The following RABGEF1 variants were observed in gnomAD, a reference collection of about 807,000 sequenced individuals.
RABGEF1 encodes rab5 GDP/GTP exchange factor.
In RABGEF1, 26 loss-of-function variants were observed where a neutral mutation model predicts 57.3. That is an observed-to-expected ratio of 0.45 (90% CI 0.33 to 0.63). The LOEUF (loss-of-function observed/expected upper bound fraction) is 0.63, where lower values mean the gene tolerates loss of function less well. RABGEF1 is among the 20% of genes least tolerant of loss of function. RABGEF1 has a pLI of 0.02. For missense variants in RABGEF1, 464 were observed against 607.6 expected (o/e 0.76, Z 2.48); for synonymous variants, 185 against 210.7 (o/e 0.88, Z 1.06).
At chr7:66,711,163 A>T (rs1390363702) in intron 1 of RABGEF1, among the ~76,000 whole-genome samples, 2 of 152,166 alleles carry the variant, frequency 1.3e-5, no homozygotes, top group East Asian at 1.9e-4. Context: ...ATCTTAAAAA[A>T]ATATTTTTTT....
At chr7:66,806,317 A>G (rs1359679762) in intron 8 of RABGEF1, among the ~76,000 whole-genome samples, 1 of 152,108 alleles carries the variant, frequency 6.6e-6, no homozygotes, top group East Asian at 1.9e-4. Context: ...TCACATTTAT[A>G]CCTACTTTTG....
chr7:66,711,003 A>C (rs1487660944), intron 1 of RABGEF1, among the ~76,000 whole-genome samples: 1 of 152,008 alleles, frequency 6.6e-6, no homozygotes, highest in Non-Finnish European at 1.5e-5. Flanking sequence ...TAAAGGAAAT[A>C]AAAAAACTTA....
chr7:66,723,362 T>TTTATAATGTGA (rs1796254875), intron 2 of RABGEF1, among the ~76,000 whole-genome samples: 2 of 152,226 alleles, frequency 1.3e-5, no homozygotes, highest in Non-Finnish European at 2.9e-5. Flanking sequence ...TGTGTGCGAT[T>TTTATAATGTGA]ATCCTGGAGT....
chr7:66,806,431 G>C (rs1788454028), intron 8 of RABGEF1, among the ~76,000 whole-genome samples: 1 of 152,052 alleles, frequency 6.6e-6, no homozygotes, highest in Admixed American at 6.6e-5. Context: ...TCACCCTCCA[G>C]CATTGTGTTC....
chr7:66,678,564 C>CAAA (rs58309880), upstream of RABGEF1, among the ~76,000 whole-genome samples: 55 of 85,874 alleles, frequency 6.4e-4, 1 homozygote, highest in African/African-American at 1.4e-3. Flanking sequence ...GAGTCCGTCT[C>CAAA]AAAAAAAAAA....
intron 1 of RABGEF1, among the ~76,000 whole-genome samples, chr7:66,702,347 TTGTGTGTGTG>T (rs58655312): frequency 0.16 from 23,004 of 143,896 alleles, 2,243 homozygotes; most frequent in Non-Finnish European, 0.23. Context: ...ATTGTTTTGT[TTGTGTGTGTG>T]TGTGTGTGTG....
At chr7:66,706,858 T>G (rs923217422) in intron 1 of RABGEF1, among the ~76,000 whole-genome samples, 4 of 145,232 alleles carry the variant, frequency 2.8e-5, no homozygotes, top group African/African-American at 7.6e-5. Context: ...CTCAGCTCAC[T>G]GCAAGCTCTG....
chr7:66,808,302 G>A (rs111536766), intron 8 of RABGEF1, among the ~76,000 whole-genome samples: 1 of 150,162 alleles, frequency 6.7e-6, no homozygotes, highest in African/African-American at 2.5e-5. Context: ...TGCAACCTCC[G>A]CCTCCCAGGT....
intron 2 of RABGEF1, among the ~76,000 whole-genome samples, chr7:66,724,222 A>C (rs1048070470): frequency 6.6e-6 from 1 of 152,096 alleles, no homozygotes; most frequent in Non-Finnish European, 1.5e-5. Context: ...AGTCAGCAGT[A>C]ATTCTTATCT....
In RABGEF1 at chr7:66,768,292, G is replaced by A. The variant is rs111612757; in HGVS notation, c.-17-3591G>A. Among the ~76,000 whole-genome samples, 429 of 152,280 alleles carry A rather than the reference G, an allele frequency of 2.8e-3. 1 individual carries two copies. Among genetic ancestry groups the A allele is most frequent in the African/African-American group, 9.9e-3 (413 of 41,546 alleles). The stretch of plus-strand genomic sequence containing the variant: ...AACATCCTTGACTGCACAGTATGTA[G>A]CAAAGGCCTCTCATGGAAATGTGGG... On this transcript the variant is annotated intron_variant, in intron 1 of 8. Transcript: ENST00000284957.
intron 1 of RABGEF1, among the ~76,000 whole-genome samples, chr7:66,699,951 G>A (rs796828550): frequency 3.3e-5 from 5 of 152,370 alleles, no homozygotes; most frequent in African/African-American, 1.2e-4. Flanking sequence ...TGTCAGATGG[G>A]AACAGCAAAT....
intron 6 of RABGEF1, among the ~76,000 whole-genome samples, chr7:66,798,894 A>G (rs1786650884): frequency 1.3e-5 from 2 of 152,162 alleles, no homozygotes; most frequent in African/African-American, 4.8e-5. Context: ...CCCAGGATGC[A>G]GAGGCTGCAG....
At chr7:66,689,281 A>G (rs1240322943) in intron 1 of RABGEF1, among the ~76,000 whole-genome samples, 1 of 152,050 alleles carries the variant, frequency 6.6e-6, no homozygotes, top group Non-Finnish European at 1.5e-5. Flanking sequence ...TTTACAGGTC[A>G]GCAAAATCGA....
At chr7:66,667,537 G>A in the RABGEF1 span, 1 of 152,436 alleles carries the variant, frequency 6.6e-6, no homozygotes, top group South Asian at 2.1e-4. Flanking sequence ...CAGAGGCCGG[G>A]TCTGCACCGA....
chr7:66,719,405 A>G (rs997524177), intron 2 of RABGEF1, among the ~76,000 whole-genome samples: 1 of 152,050 alleles, frequency 6.6e-6, no homozygotes, highest in African/African-American at 2.4e-5. Flanking sequence ...GGGTCTTGCT[A>G]TGTTGCCTAG....
chr7:66,772,911 C>CAA (rs1043792326), intron 2 of RABGEF1, among the ~76,000 whole-genome samples: 12 of 141,720 alleles, frequency 8.5e-5, no homozygotes, highest in East Asian at 7.0e-4. Flanking sequence ...GACTCTGTCT[C>CAA]AAAAAAAAAT....
chr7:66,657,234 T>A, the RABGEF1 span, among the ~76,000 whole-genome samples: 1 of 152,202 alleles, frequency 6.6e-6, no homozygotes, highest in Non-Finnish European at 1.5e-5. Context: ...GAGTATACAG[T>A]GTATTAGGCT....
intron 2 of RABGEF1, among the ~76,000 whole-genome samples, chr7:66,727,685 G>T (rs1239395087): frequency 6.6e-5 from 10 of 152,344 alleles, no homozygotes; most frequent in Admixed American, 2.6e-4. Context: ...GCTTCTCCAG[G>T]CCAGCCCCTC....
chr7:66,790,051 T>C (rs1238378471), intron 4 of RABGEF1, among the ~76,000 whole-genome samples: 1 of 152,188 alleles, frequency 6.6e-6, no homozygotes, highest in African/African-American at 2.4e-5. Flanking sequence ...TAAGCAAGCA[T>C]TGGCAGATAC....
Sources: allele counts gnomAD v4.1 joint callset (sites outside exome capture counted in the v4.1 genomes callset), GRCh38; gene constraint gnomAD v4.1.1; transcripts MANE v1.5; gene names NCBI Gene and HGNC (gene_info 2026-07-23, HGNC 2026-07-21).